Variants in PHC2 observed in about 807,000 individuals in gnomAD.
PHC2 encodes the protein polyhomeotic homolog 2.
PHC2 carries 29 observed loss-of-function variants against 87.4 expected under a neutral mutation model. The ratio of observed to expected loss-of-function variants is 0.33; its 90% CI spans 0.25 to 0.45. The LOEUF (loss-of-function observed/expected upper bound fraction) is 0.45. PHC2 is among the 20% of genes least tolerant of loss of function. The probability of loss-of-function intolerance (pLI) is 1.00; values close to 1 mark genes in which losing one functional copy is unlikely to be tolerated. For missense variants in PHC2, 857 were observed against 1,136.7 expected (o/e 0.75, Z 3.54); for synonymous variants, 438 against 461.7 (o/e 0.95, Z 0.66).
chr1:33,414,516 A>G (rs918169367), intron 1 of PHC2, among the ~76,000 whole-genome samples: 1 of 152,236 alleles, frequency 6.6e-6, no homozygotes, highest in Non-Finnish European at 1.5e-5. Flanking sequence ...GCCCACTGAC[A>G]AAGAATTTAA....
rs563357544 is a variant in PHC2, at chr1:33,371,426, A to G, written c.334-332T>C. ...ACACCCGGCCACCACCATCACACCC[A>G]GCCACCACCATCACACCTGGCCACC... On this transcript the variant is annotated intron_variant, in intron 3 of 14. Transcript: ENST00000683057. Among the ~76,000 whole-genome samples, 10 of 151,496 alleles carry G rather than the reference A, an allele frequency of 6.6e-5. No homozygotes were observed. In the East Asian group the frequency reaches 1.4e-3, roughly 21 times the overall value.
At chr1:33,394,227 A>G (rs1400510692) in intron 1 of PHC2, among the ~76,000 whole-genome samples, 2 of 152,222 alleles carry the variant, frequency 1.3e-5, no homozygotes, top group African/African-American at 4.8e-5. Flanking sequence ...ATTAAAAAGC[A>G]GATCTTTTGA....
At chr1:33,383,671 A>AC (rs1467246815) in intron 1 of PHC2, among the ~76,000 whole-genome samples, 2 of 152,198 alleles carry the variant, frequency 1.3e-5, no homozygotes, top group African/African-American at 4.8e-5. Flanking sequence ...GTTTGTCTAG[A>AC]CTTGGGCAGC....
chr1:33,371,061 A>T lies in PHC2; in HGVS notation c.367T>A (p.Ser123Thr), dbSNP rs755844280. The change falls in exon 4 of 15, where the codon TCA (serine) becomes ACA (threonine). Residue 123 changes from serine (S) to threonine (T), a missense_variant. Transcript: ENST00000683057. ...GCCTGCGCAGACACATTGCTGCCTG[A>T]AGTGCTTCCTTGTCTATTGGATACC... is the stretch of plus-strand genomic sequence containing the variant. ...SLVSNRQGSTSGSNVSAQAPA... is the reference protein window; with the variant it reads ...SLVSNRQGSTTGSNVSAQAPA... The T allele has an allele frequency of 1.9e-6, 3 of 1,613,902 alleles. No individual in the cohort carries two copies. Among genetic ancestry groups the T allele is most frequent in the Admixed American group, 1.7e-5 (1 of 59,982 alleles).
chr1:33,333,399 G>C (rs1227711676), intron 10 of PHC2: 4 of 152,436 alleles, frequency 2.6e-5, no homozygotes, highest in African/African-American at 7.2e-5. Flanking sequence ...ACAGAGGCTG[G>C]TGTGCCGCTG....
rs149737553 is a variant in PHC2, at chr1:33,415,333, T to G, written c.-55+15643A>C. 6.2e-3 allele frequency among the ~76,000 whole-genome samples: 937 copies of G among 152,260 alleles called. 7 individuals are homozygous for G. Among genetic ancestry groups the G allele is most frequent in the African/African-American group, 0.022 (900 of 41,536 alleles). On this transcript the variant is annotated intron_variant, in intron 1 of 14. Coordinates refer to ENST00000683057, the MANE Select transcript of PHC2 (RefSeq NM_001385109.1). Reference sequence around the variant, plus strand: ...CCCAGAGTTCTTACAGGGCTGTAAATAGTTTGTGTTCACATCTATCTGAGC... The same window carrying G: ...CCCAGAGTTCTTACAGGGCTGTAAAGAGTTTGTGTTCACATCTATCTGAGC...
At chr1:33,374,717 C>T (rs1281033118) in intron 2 of PHC2, among the ~76,000 whole-genome samples, 4 of 152,192 alleles carry the variant, frequency 2.6e-5, no homozygotes, top group Non-Finnish European at 5.9e-5. Flanking sequence ...ATTAAGAACA[C>T]AGGTCTGGGG....
chr1:33,421,371 G>A (rs945881561), intron 1 of PHC2, among the ~76,000 whole-genome samples: 2 of 151,932 alleles, frequency 1.3e-5, no homozygotes, highest in African/African-American at 4.8e-5. Context: ...GAGGTTGGGG[G>A]AAATAAGAAA....
intron 7 of PHC2, among the ~76,000 whole-genome samples, chr1:33,365,460 G>A (rs749471466): frequency 1.3e-5 from 2 of 152,202 alleles, no homozygotes; most frequent in Non-Finnish European, 2.9e-5. Context: ...TTCTCAGGAA[G>A]GCCTGAGACG....
At chr1:33,409,979 T>A (rs1364121219) in intron 1 of PHC2, among the ~76,000 whole-genome samples, 2 of 152,224 alleles carry the variant, frequency 1.3e-5, no homozygotes, top group Non-Finnish European at 2.9e-5. Flanking sequence ...AATGACCTCA[T>A]GTATTTTCTC....
chr1:33,424,103 A>AAAAAAAAC (rs1650569799), intron 1 of PHC2, among the ~76,000 whole-genome samples: 1 of 151,854 alleles, frequency 6.6e-6, no homozygotes, highest in Non-Finnish European at 1.5e-5. Context: ...GTCTCAAAAA[A>AAAAAAAAC]AAAAAAAACA....
At chr1:33,414,177 T>TCACTCACA (rs1553190150) in intron 1 of PHC2, among the ~76,000 whole-genome samples, 38 of 142,856 alleles carry the variant, frequency 2.7e-4, no homozygotes, top group African/African-American at 9.9e-4. Flanking sequence ...TCTCTCTCTG[T>TCACTCACA]CACACACACA....
intron 1 of PHC2, among the ~76,000 whole-genome samples, chr1:33,408,207 G>A (rs541994523): frequency 1.3e-5 from 2 of 152,332 alleles, no homozygotes; most frequent in South Asian, 4.1e-4. Context: ...TGGAAAGCTG[G>A]AGAGGGAGTG....
chr1:33,375,631 C>A, intron 1 of PHC2, 38 bp from the exon 2 acceptor site: 1 of 1,272,978 alleles, frequency 7.9e-7, no homozygotes. Context: ...TTTTGACAGA[C>A]GCTTACTAGA....
chr1:33,333,050 A>G (rs1018686930), intron 10 of PHC2, among the ~76,000 whole-genome samples: 1 of 152,148 alleles, frequency 6.6e-6, no homozygotes, highest in African/African-American at 2.4e-5. Flanking sequence ...TGGGGGTGCT[A>G]TGCAATCTGC....
chr1:33,349,618 C>T lies in PHC2; in HGVS notation c.1558+4783G>A. On this transcript the variant is annotated intron_variant, in intron 9 of 14. Coordinates refer to ENST00000683057, the MANE Select transcript of PHC2 (RefSeq NM_001385109.1). The surrounding 1 kb of genome is among the most constrained non-coding windows in gnomAD (Gnocchi z 4.2). ...TGACCTGTCCAGGGCCCGGCTGGGCCTGGCCGGGCGGGGCCTACGCAGCCC... is the reference window on the plus strand; with the variant it reads ...TGACCTGTCCAGGGCCCGGCTGGGCTTGGCCGGGCGGGGCCTACGCAGCCC... The T allele has an allele frequency of 1.0e-6, 1 of 983,844 alleles. No homozygotes were observed. The highest frequency in any genetic ancestry group is 1.2e-6 in the Non-Finnish European group (1 of 829,404). The allele number at this position is 983,844 out of a possible 1,614,324, so 60.9% of individuals were successfully genotyped here. A position where few individuals can be genotyped will look rare whatever the true frequency, so the allele number is the denominator to read the frequency against.
chr1:33,428,102 A>C lies in PHC2; in HGVS notation c.-55+2874T>G, dbSNP rs113127184. On this transcript the variant is annotated intron_variant, in intron 1 of 14. Coordinates refer to ENST00000683057, the MANE Select transcript of PHC2 (RefSeq NM_001385109.1). ...ACATTTGTGATTTCATTTAGTCCTC[A>C]CAACTATATTGGGTAGGTGGCATTA... Among the ~76,000 whole-genome samples, 251 of 152,326 alleles carry C rather than the reference A, an allele frequency of 1.6e-3. 4 individuals are homozygous for C. The highest frequency in any genetic ancestry group is 5.0e-3 in the African/African-American group (207 of 41,562).
Position 33,332,555 on chromosome 1 carries a change from G to C in PHC2, c.1762-151C>G. On this transcript the variant is annotated intron_variant, in intron 10 of 14. Transcript: ENST00000683057. This position sits in a 1 kb window ranked among gnomAD's most constrained non-coding sequence, Gnocchi z 4.2. Reference sequence around the variant, plus strand: ...CCATGTCATCATCCAAGTGTGCTGGGCTCAAGGCCCTATTTTGCTGGTTGG... The same window carrying C: ...CCATGTCATCATCCAAGTGTGCTGGCCTCAAGGCCCTATTTTGCTGGTTGG... The C allele has an allele frequency of 1.1e-6, 1 of 921,736 alleles. No individual in the cohort carries two copies. The highest frequency in any genetic ancestry group is 1.5e-5 in the South Asian group (1 of 64,548). The allele number at this position is 921,736 out of a possible 1,614,324, so 57.1% of individuals were successfully genotyped here. A position where few individuals can be genotyped will look rare whatever the true frequency, so the allele number is the denominator to read the frequency against.
chr1:33,356,281 A>ATGTG (rs1647081788), intron 7 of PHC2, among the ~76,000 whole-genome samples: 1 of 136,432 alleles, frequency 7.3e-6, no homozygotes, highest in African/African-American at 2.9e-5. Flanking sequence ...ATATATGTAT[A>ATGTG]TATATATATA....
Sources: allele counts gnomAD v4.1 joint callset (sites outside exome capture counted in the v4.1 genomes callset), GRCh38; gene constraint gnomAD v4.1.1; non-coding constraint Gnocchi (gnomAD v3.1); transcripts MANE v1.5; gene names NCBI Gene and HGNC (gene_info 2026-07-23, HGNC 2026-07-21).